Variants in SSX2IP observed in about 807,000 individuals in gnomAD.
SSX2IP encodes SSX family member 2 interacting protein, also known as afadin- and alpha-actinin-binding protein.
A neutral mutation model predicts 84.9 loss-of-function variants in SSX2IP; 55 were observed. The observed-to-expected ratio is 0.65, with a 90% CI of 0.52 to 0.81. The LOEUF is 0.81. Ranked by LOEUF, SSX2IP falls within the 30% of genes least tolerant of loss-of-function variation. The pLI is 0.00. For missense variants in SSX2IP, 664 were observed against 705.2 expected, an observed-to-expected ratio of 0.94 and a Z score of 0.66; for synonymous variants, 239 against 234.7, an observed-to-expected ratio of 1.02 and a Z score of -0.17.
At chr1:84,685,436 C>A (rs1655653374) in intron 1 of SSX2IP, among the ~76,000 whole-genome samples, 2 of 152,206 alleles carry the variant, frequency 1.3e-5, no homozygotes, top group Admixed American at 1.3e-4. Flanking sequence ...AACTCAAGAG[C>A]ACCTAATGCA....
chr1:84,669,623 A>C, intron 4 of SSX2IP, 58 bp downstream of exon 4: 1 of 1,373,364 alleles, frequency 7.3e-7, no homozygotes, highest in East Asian at 2.3e-5. Flanking sequence ...AGTCAGTAAA[A>C]ATTTATAGTA....
chr1:84,669,094 A>C (rs916972358), intron 4 of SSX2IP, among the ~76,000 whole-genome samples: 3 of 152,156 alleles, frequency 2.0e-5, no homozygotes, highest in Non-Finnish European at 4.4e-5. Context: ...AAAAAGAAAG[A>C]AATCAAAATA....
At chr1:84,660,847 T>C (rs1651848865) in intron 8 of SSX2IP, among the ~76,000 whole-genome samples, 1 of 145,946 alleles carries the variant, frequency 6.9e-6, no homozygotes, top group African/African-American at 2.6e-5. Context: ...GGTCAGGAGA[T>C]TGAGACCATC....
At chr1:84,662,842 C>T (rs533683278) in intron 6 of SSX2IP, among the ~76,000 whole-genome samples, 110 of 152,204 alleles carry the variant, frequency 7.2e-4, no homozygotes, top group Non-Finnish European at 1.2e-3. Flanking sequence ...CAGTATCTGG[C>T]GCACAGTAAG....
At chr1:84,668,918 C>T (rs1057284341) in intron 4 of SSX2IP, among the ~76,000 whole-genome samples, 1 of 151,912 alleles carries the variant, frequency 6.6e-6, no homozygotes, top group Non-Finnish European at 1.5e-5. Context: ...ATAACAAAAC[C>T]CAATATAGAA....
At position 84,647,604 on chromosome 1, in the gene SSX2IP, T is replaced by A; in HGVS notation, c.1674A>T (p.Ser558=). 6.3e-7 allele frequency: 1 copy of A among 1,584,694 alleles called. No individual in the cohort carries two copies. Reference sequence around the variant, plus strand: ...CAGCAGTTATATTCAGTACATTGATTGAACTGTTGGGAAAAGAAAGGCAGA... The same window carrying A: ...CAGCAGTTATATTCAGTACATTGATAGAACTGTTGGGAAAAGAAAGGCAGA... The part of the protein sequence containing the change: ...QTRSCISEHS[S]INVLNITAEE... Residue 558 remains serine (S), a synonymous_variant, in exon 14 of 14, where the codon TCA becomes TCT. Transcript: ENST00000342203.
At chr1:84,655,719 T>C in intron 11 of SSX2IP, 113 bp downstream of exon 11, 2 of 1,421,520 alleles carry the variant, frequency 1.4e-6, no homozygotes, top group Non-Finnish European at 1.9e-6. Flanking sequence ...AGATCACCAG[T>C]AAATATTTTA....
intron 8 of SSX2IP, 92 bp from the exon 9 acceptor site, chr1:84,658,560 A>T (rs989146744): frequency 2.9e-6 from 4 of 1,396,490 alleles, no homozygotes; most frequent in Non-Finnish European, 3.8e-6. Context: ...TTACCAGAGG[A>T]AGCCACATCA....
chr1:84,670,027 C>T, intron 3 of SSX2IP, 134 bp from the exon 4 acceptor site: 1 of 619,956 alleles, frequency 1.6e-6, no homozygotes. Flanking sequence ...CAGCTAATAA[C>T]TACGTACTAT....
rs1649284993 is a variant in SSX2IP at position 84,644,783 on chromosome 1, A to G, written c.*2650T>C. ...CACAAGTCTATGAACAATTCTGGTTAGCTAAGGTAGGCAGTATAGAACTCT... is the reference window on the plus strand; with the variant it reads ...CACAAGTCTATGAACAATTCTGGTTGGCTAAGGTAGGCAGTATAGAACTCT... On this transcript the variant is annotated 3_prime_UTR_variant, in exon 14 of 14. Coordinates refer to ENST00000342203, the MANE Select transcript of SSX2IP (RefSeq NM_001166293.2). 1 of 152,240 alleles carries G rather than the reference A, an allele frequency of 6.6e-6. No individual in the cohort carries two copies. Among genetic ancestry groups the G allele is most frequent in the South Asian group, 2.1e-4 (1 of 4,836 alleles). 9.4% of individuals were successfully genotyped at this position (152,240 alleles called of 1,614,324 possible).
intron 5 of SSX2IP, 42 bp from the exon 6 acceptor site, chr1:84,664,594 C>A (rs372305848): frequency 6.8e-7 from 1 of 1,479,262 alleles, no homozygotes; most frequent in South Asian, 1.5e-5. Context: ...TAACGATTCA[C>A]AAATTTGAAA....
At chr1:84,689,296 A>C (rs1213639991) in intron 1 of SSX2IP, among the ~76,000 whole-genome samples, 4 of 152,208 alleles carry the variant, frequency 2.6e-5, no homozygotes, top group Non-Finnish European at 4.4e-5. Flanking sequence ...TTCAGGATCA[A>C]ACTGTAGGAT....
intron 3 of SSX2IP, 48 bp downstream of exon 3, chr1:84,670,598 T>G: frequency 7.5e-7 from 1 of 1,326,458 alleles, no homozygotes; most frequent in South Asian, 1.5e-5. Context: ...TGATACATTC[T>G]ATTATATAAC....
chr1:84,674,872 G>T (rs6687220), intron 1 of SSX2IP, among the ~76,000 whole-genome samples: 26,212 of 152,030 alleles, frequency 0.17, 2,356 homozygotes, highest in South Asian at 0.22. Context: ...GGAGACTTGC[G>T]ATATAAGAAA....
Position 84,650,528 on chromosome 1 carries a change from C to T in SSX2IP, c.1505-1G>A. 6.2e-7 allele frequency: 1 copy of T among 1,613,984 alleles called. No individual in the cohort carries two copies. Reference sequence around the variant, plus strand: ...ACTATAAGATTGTCCCAATCAGAACCTGTTGTAAAACAAGTAAGAGAAAAA... The same window carrying T: ...ACTATAAGATTGTCCCAATCAGAACTTGTTGTAAAACAAGTAAGAGAAAAA... On this transcript the variant is annotated splice_acceptor_variant, in intron 12 of 13. Coordinates refer to ENST00000342203, the MANE Select transcript of SSX2IP (RefSeq NM_001166293.2). LOFTEE classifies it high-confidence loss of function.
chr1:84,681,772 C>T (rs1224643216), intron 1 of SSX2IP, among the ~76,000 whole-genome samples: 12 of 152,204 alleles, frequency 7.9e-5, no homozygotes, highest in Non-Finnish European at 1.8e-4. Flanking sequence ...ACACTTCTAG[C>T]ACCTGTTCCA....
intron 12 of SSX2IP, 93 bp from the exon 13 acceptor site, chr1:84,650,620 CTGAG>C (rs949057629): frequency 8.2e-6 from 11 of 1,337,956 alleles, no homozygotes; most frequent in African/African-American, 2.9e-5. Flanking sequence ...ATCTGCGGTT[CTGAG>C]TGAGGAAAGA....
At chr1:84,690,669 C>G (rs1557545785), upstream of SSX2IP, 1 of 152,328 alleles carries the variant, frequency 6.6e-6, no homozygotes, top group East Asian at 1.9e-4. Flanking sequence ...TAGTCTCCTC[C>G]TTACCTCCAA....
chr1:84,662,131 T>C, intron 8 of SSX2IP, 67 bp downstream of exon 8: 1 of 1,083,908 alleles, frequency 9.2e-7, no homozygotes. Context: ...TGAGAATGCC[T>C]ACCACATATT....
Sources: gnomAD v4.1 joint callset for allele counts (sites outside exome capture counted in the v4.1 genomes callset) on GRCh38, gnomAD v4.1.1 for gene constraint, MANE v1.5 for transcripts, NCBI Gene and HGNC (gene_info 2026-07-23, HGNC 2026-07-21) for gene names.